Variants in YIPF1 observed in about 807,000 individuals in gnomAD.
YIPF1 encodes Yip1 domain family member 1.
A neutral mutation model predicts 37.0 loss-of-function variants in YIPF1; 22 were observed. That is an observed-to-expected ratio of 0.59 (90% confidence interval 0.42 to 0.85). The LOEUF is 0.85. Ranked by LOEUF, YIPF1 falls within the 40% of genes least tolerant of loss-of-function variation. YIPF1 has a pLI of 0.00. For synonymous variants in YIPF1, 128 were observed against 131.9 expected (o/e 0.97, Z 0.21); for missense variants, 355 against 373.1 (o/e 0.95, Z 0.40).
intron 6 of YIPF1, among the ~76,000 whole-genome samples, chr1:53,872,005 AGTGTGTGT>A (rs56411256): frequency 6.9e-6 from 1 of 144,050 alleles, no homozygotes; most frequent in Non-Finnish European, 1.5e-5. Flanking sequence ...GTTGAGTGTC[AGTGTGTGT>A]GTGTGTGTGT....
Position 53,883,235 on chromosome 1 carries a change from C to A in YIPF1, c.73G>T (p.Ala25Ser). Residue 25 changes from alanine (A) to serine (S), a missense_variant, in exon 4 of 11, where the codon GCC becomes TCC. Physicochemically the swap from Ala to Ser is moderately conservative, Grantham distance 99 (BLOSUM62 1). Transcript: ENST00000072644. ...GGATCCTCAATGTTTACTGTGGTGG[C>A]ATCTGGGTTTGCTGTCAGAGAAGTG... ...AATSLTANPD[A>S]TTVNIEDPGE... is the part of the protein sequence containing the mutation. 3 of 1,590,470 alleles carry A rather than the reference C, an allele frequency of 1.9e-6. No individual in the cohort carries two copies. Among genetic ancestry groups the A allele is most frequent in the South Asian group, 1.2e-5 (1 of 86,420 alleles).
At position 53,866,980 on chromosome 1, in the gene YIPF1, G is replaced by A. The variant is rs554791167; in HGVS notation, c.482-56C>T. 7 of 1,553,634 alleles carry A rather than the reference G, an allele frequency of 4.5e-6. No homozygotes were observed. In the East Asian group the frequency reaches 1.3e-4, roughly 30 times the overall value. On this transcript the variant is annotated intron_variant, in intron 7 of 10. Coordinates refer to ENST00000072644, the MANE Select transcript of YIPF1 (RefSeq NM_018982.5). ...CCATCATGCCTTTAGTAGACTATCAGAGCACTTCCAACACCTTATTGTACT... is the reference window on the plus strand; with the variant it reads ...CCATCATGCCTTTAGTAGACTATCAAAGCACTTCCAACACCTTATTGTACT...
At chr1:53,869,658 C>T (rs2100729950) in intron 7 of YIPF1, among the ~76,000 whole-genome samples, 2 of 152,196 alleles carry the variant, frequency 1.3e-5, no homozygotes, top group Admixed American at 1.3e-4. Flanking sequence ...GTGGTACAGG[C>T]CAATCTCCGA....
intron 3 of YIPF1, 45 bp from the exon 4 acceptor site, chr1:53,883,321 C>T: frequency 6.8e-7 from 1 of 1,476,998 alleles, no homozygotes; most frequent in Non-Finnish European, 9.0e-7. Context: ...CTTACCCACA[C>T]TAGAAATGCT....
intron 6 of YIPF1, 41 bp downstream of exon 6, chr1:53,878,274 G>C: frequency 6.2e-7 from 1 of 1,600,484 alleles, no homozygotes; most frequent in Non-Finnish European, 8.5e-7. Context: ...ACTCACCCAA[G>C]TTCAACTGAA....
At chr1:53,885,845 A>G (rs1031114117) in intron 3 of YIPF1, among the ~76,000 whole-genome samples, 2 of 151,514 alleles carry the variant, frequency 1.3e-5, no homozygotes, top group Non-Finnish European at 2.9e-5. Flanking sequence ...AAAAGAGAGA[A>G]AAAGAGTATA....
chr1:53,879,197 C>A (rs577204395), intron 4 of YIPF1, among the ~76,000 whole-genome samples: 1 of 151,660 alleles, frequency 6.6e-6, no homozygotes, highest in East Asian at 2.0e-4. Flanking sequence ...TGGGCTCAAA[C>A]AATCTTCCCA....
chr1:53,871,012 C>CAAAAAAA (rs57949076), intron 7 of YIPF1, among the ~76,000 whole-genome samples: 3 of 65,270 alleles, frequency 4.6e-5, no homozygotes, highest in Non-Finnish European at 8.8e-5. Context: ...GTCACTGTCT[C>CAAAAAAA]AAAAAAAAAA....
chr1:53,875,703 T>C (rs1280969179), intron 6 of YIPF1, among the ~76,000 whole-genome samples: 2 of 152,178 alleles, frequency 1.3e-5, no homozygotes, highest in Non-Finnish European at 2.9e-5. Context: ...TTGAGGTTCT[T>C]TGAATGTACT....
At chr1:53,885,200 AATAACTATC>A (rs1369849574) in intron 3 of YIPF1, among the ~76,000 whole-genome samples, 1 of 152,246 alleles carries the variant, frequency 6.6e-6, no homozygotes, top group Non-Finnish European at 1.5e-5. Flanking sequence ...ATGATGAAAT[AATAACTATC>A]ATTACAGGTA....
In YIPF1 at chr1:53,883,239, T is replaced by C. The variant is rs757247107; in HGVS notation, c.69A>G (p.Pro23=). The stretch of plus-strand genomic sequence containing the variant: ...CCTCAATGTTTACTGTGGTGGCATC[T>C]GGGTTTGCTGTCAGAGAAGTGGCTG... ...GNAATSLTAN[P]DATTVNIEDP... is the part of the protein sequence containing the mutation. Residue 23 remains proline (P), a synonymous_variant, in exon 4 of 11, where the codon CCA becomes CCG. Coordinates refer to ENST00000072644, the MANE Select transcript of YIPF1 (RefSeq NM_018982.5). 3.1e-6 allele frequency: 5 copies of C among 1,587,366 alleles called. No homozygotes were observed. The South Asian group carries it at 5.8e-5, about 18-fold the overall frequency.
chr1:53,888,821 T>C (rs918802205), intron 3 of YIPF1, 86 bp downstream of exon 3: 2 of 1,275,116 alleles, frequency 1.6e-6, no homozygotes, highest in African/African-American at 2.9e-5. Context: ...TCCTTCAATG[T>C]GTGAGGCAGT....
chr1:53,873,366 A>G (rs1369716914), intron 6 of YIPF1, among the ~76,000 whole-genome samples: 2 of 152,216 alleles, frequency 1.3e-5, no homozygotes, highest in African/African-American at 4.8e-5. Context: ...GTCCGTGAAG[A>G]GGGAATAGCA....
At chr1:53,875,500 G>C (rs1462426506) in intron 6 of YIPF1, among the ~76,000 whole-genome samples, 1 of 152,176 alleles carries the variant, frequency 6.6e-6, no homozygotes, top group Non-Finnish European at 1.5e-5. Flanking sequence ...CTGGGCAACA[G>C]AGCAAGACCC....
At chr1:53,887,113 G>A (rs1167269776) in intron 3 of YIPF1, among the ~76,000 whole-genome samples, 1 of 151,960 alleles carries the variant, frequency 6.6e-6, no homozygotes, top group East Asian at 1.9e-4. Flanking sequence ...TTGAGATGGA[G>A]TCTCGCTCTG....
intron 4 of YIPF1, 59 bp from the exon 5 acceptor site, chr1:53,878,781 G>T: frequency 6.6e-7 from 1 of 1,510,180 alleles, no homozygotes; most frequent in Non-Finnish European, 8.9e-7. Flanking sequence ...TTCCAGCTGC[G>T]TGGGGTGCAG....
chr1:53,882,003 T>G (rs771462214), intron 4 of YIPF1, among the ~76,000 whole-genome samples: 2 of 152,186 alleles, frequency 1.3e-5, no homozygotes, highest in Non-Finnish European at 2.9e-5. Context: ...ATATGGTATA[T>G]ATACAACCAT....
chr1:53,880,352 A>G (rs1299516093), intron 4 of YIPF1, among the ~76,000 whole-genome samples: 1 of 152,150 alleles, frequency 6.6e-6, no homozygotes, highest in East Asian at 1.9e-4. Context: ...ACCTAGGAAC[A>G]AGGGAAGTAA....
intron 4 of YIPF1, among the ~76,000 whole-genome samples, chr1:53,880,396 T>G (rs1650459759): frequency 6.6e-6 from 1 of 151,990 alleles, no homozygotes; most frequent in South Asian, 2.1e-4. Flanking sequence ...AAACTACTGC[T>G]CAAAGAAATA....
Sources: gnomAD v4.1 joint callset for allele counts (sites outside exome capture counted in the v4.1 genomes callset) on GRCh38, gnomAD v4.1.1 for gene constraint, MANE v1.5 for transcripts, NCBI Gene and HGNC (gene_info 2026-07-23, HGNC 2026-07-21) for gene names.